Variants in OAS3 observed in about 807,000 individuals in gnomAD.
OAS3 encodes the protein 2'-5'-oligoadenylate synthase 3.
OAS3 carries 107 observed loss-of-function variants against 113.0 expected under a neutral mutation model. The ratio of observed to expected loss-of-function variants is 0.95; its 90% CI spans 0.81 to 1.11. The LOEUF (loss-of-function observed/expected upper bound fraction) is 1.11. OAS3 is among the 50% of genes most tolerant of loss of function. The probability of loss-of-function intolerance (pLI) is 0.00; values close to 1 mark genes in which losing one functional copy is unlikely to be tolerated. For missense variants in OAS3, 1,258 were observed against 1,389.1 expected, an observed-to-expected ratio of 0.91 and a Z score of 1.50; for synonymous variants, 552 against 573.6, an observed-to-expected ratio of 0.96 and a Z score of 0.54.
chr12:112,954,202 G>C lies in OAS3; in HGVS notation c.1657+3227G>C, dbSNP rs1463420599. 1.3e-5 allele frequency among the ~76,000 whole-genome samples: 2 copies of C among 152,258 alleles called. No homozygotes were observed. Among genetic ancestry groups the C allele is most frequent in the Middle Eastern group, 3.4e-3 (1 of 294 alleles). On this transcript the variant is annotated intron_variant, in intron 7 of 15. Transcript: ENST00000228928. The surrounding 1 kb of genome is among the most constrained non-coding windows in gnomAD (Gnocchi z 4.0). ...GAAAGGATACAGTTTCAGCTTTCTA[G>C]ATATGGCTAGCCAGTTTTCCCAGCA...
chr12:112,941,415 C>T (rs1468670927), intron 1 of OAS3, among the ~76,000 whole-genome samples, 155 bp from the exon 2 acceptor site: 1 of 152,214 alleles, frequency 6.6e-6, no homozygotes, highest in African/African-American at 2.4e-5. Context: ...TCGAGCCTGG[C>T]TACCCTGGGC....
intron 6 of OAS3, among the ~76,000 whole-genome samples, chr12:112,949,628 A>T (rs1393917668): frequency 1.3e-5 from 2 of 152,052 alleles, no homozygotes; most frequent in African/African-American, 2.4e-5. Context: ...TCTCTTCCCC[A>T]ACCATTTGGC....
chr12:112,952,389 T>C (rs1016575751), intron 7 of OAS3, among the ~76,000 whole-genome samples: 2 of 152,178 alleles, frequency 1.3e-5, no homozygotes, highest in Non-Finnish European at 2.9e-5. Flanking sequence ...TTTACTAGCA[T>C]GTGTTATTAA....
chr12:112,956,859 G>C (rs924443494), intron 7 of OAS3, among the ~76,000 whole-genome samples: 14 of 152,176 alleles, frequency 9.2e-5, no homozygotes, highest in African/African-American at 3.4e-4. Context: ...AGGTCCGCTT[G>C]GTGCAGAGCT....
At chr12:112,958,876 A>G (rs1258475652) in intron 7 of OAS3, among the ~76,000 whole-genome samples, 1 of 152,248 alleles carries the variant, frequency 6.6e-6, no homozygotes, top group Non-Finnish European at 1.5e-5. Flanking sequence ...CAAAGCTGTC[A>G]GACAGGGACG....
At chr12:112,969,286 A>G in intron 14 of OAS3, 2 of 342,976 alleles carry the variant, frequency 5.8e-6, no homozygotes, top group South Asian at 4.6e-5. Context: ...GAAATACTCA[A>G]CCTGTATCAT....
chr12:112,961,548 C>T (rs1421002457), intron 8 of OAS3, among the ~76,000 whole-genome samples: 2 of 152,116 alleles, frequency 1.3e-5, no homozygotes, highest in African/African-American at 2.4e-5. Context: ...ACCTCCAAGC[C>T]GTTGCTTATG....
intron 1 of OAS3, among the ~76,000 whole-genome samples, chr12:112,939,607 C>T (rs2043661433): frequency 6.6e-6 from 1 of 152,130 alleles, no homozygotes; most frequent in Admixed American, 6.5e-5. Flanking sequence ...AGGTGTGAGC[C>T]ACCATGCCCA....
Position 112,968,300 on chromosome 12 carries a change from A to G in OAS3, c.3104+126A>G, listed in dbSNP as rs1018490030. On this transcript the variant is annotated intron_variant, in intron 14 of 15. Coordinates refer to ENST00000228928, the MANE Select transcript of OAS3 (RefSeq NM_006187.4). ...GAACGGATTCCTTCCTAGAAGTTAT[A>G]TTTGTAGTACCTGAGGGACAAACGG... 3.9e-6 allele frequency: 5 copies of G among 1,289,122 alleles called. No individual in the cohort carries two copies. In the African/African-American group the frequency reaches 6.0e-5, roughly 15 times the overall value. 79.9% of individuals were successfully genotyped at this position (1,289,122 alleles called of 1,614,324 possible).
Position 112,950,677 on chromosome 12 carries a change from G to A in OAS3, c.1375-16G>A, listed in dbSNP as rs1238298408. 1.9e-6 allele frequency: 3 copies of A among 1,613,560 alleles called. No homozygotes were observed. The highest frequency in any genetic ancestry group is 3.3e-5 in the Admixed American group (2 of 60,018). On this transcript the variant is annotated splice_polypyrimidine_tract_variant and intron_variant, in intron 6 of 15. Coordinates refer to ENST00000228928, the MANE Select transcript of OAS3 (RefSeq NM_006187.4). ...TCCTAGAGGGTCCCTGATCTGAGCTGTTCTTCCCTCCACAGGGGGGCTCAT... is the reference window on the plus strand; with the variant it reads ...TCCTAGAGGGTCCCTGATCTGAGCTATTCTTCCCTCCACAGGGGGGCTCAT...
At chr12:112,960,016 A>C in intron 7 of OAS3, among the ~76,000 whole-genome samples, 1 of 151,370 alleles carries the variant, frequency 6.6e-6, no homozygotes, top group East Asian at 1.9e-4. Context: ...GTGTCACCTG[A>C]CTCTCCCTCA....
intron 5 of OAS3, among the ~76,000 whole-genome samples, chr12:112,948,313 G>A (rs949607942): frequency 2.6e-5 from 4 of 152,018 alleles, no homozygotes; most frequent in Non-Finnish European, 5.9e-5. Flanking sequence ...GACCAGTCTG[G>A]ACAATATGGT....
In OAS3 at chr12:112,971,687, C is replaced by G. The variant is rs1006575917; in HGVS notation, c.*1714C>G. 6.6e-6 allele frequency: 1 copy of G among 152,252 alleles called. No homozygotes were observed. 9.4% of individuals were successfully genotyped at this position (152,252 alleles called of 1,614,324 possible). A position where few individuals can be genotyped will look rare whatever the true frequency, so the allele number is the denominator to read the frequency against. On this transcript the variant is annotated 3_prime_UTR_variant, in exon 16 of 16. Coordinates refer to ENST00000228928, the MANE Select transcript of OAS3 (RefSeq NM_006187.4). ...GCTAGATTGAATGGGATGGGAAGAG[C>G]CTTCCCTCATTATTGTCATTCTTGG...
Position 112,944,505 on chromosome 12 carries a change from C to A in OAS3, c.490C>A (p.Pro164Thr), listed in dbSNP as rs1482198175. The A allele has an allele frequency of 6.2e-7, 1 of 1,614,072 alleles. No individual in the cohort carries two copies. The highest frequency in any genetic ancestry group is 1.7e-5 in the Admixed American group (1 of 60,032). Reference sequence around the variant, plus strand: ...GGCCGGCTCCGGCGTCAAACCCAAGCCACAAGTCTACTCTACCCTCCTCAA... The same window carrying A: ...GGCCGGCTCCGGCGTCAAACCCAAGACACAAGTCTACTCTACCCTCCTCAA... ...GQAGSGVKPK[P>T]QVYSTLLNSG... The change falls in exon 3 of 16, where the codon CCA becomes ACA. Residue 164 changes from proline to threonine, a missense_variant. Physicochemically the swap from Pro to Thr is conservative, Grantham distance 38. Coordinates refer to ENST00000228928, the MANE Select transcript of OAS3 (RefSeq NM_006187.4).
chr12:112,957,103 G>T (rs1188641100), intron 7 of OAS3, among the ~76,000 whole-genome samples: 1 of 152,118 alleles, frequency 6.6e-6, no homozygotes, highest in African/African-American at 2.4e-5. Context: ...GGCCTTCTTT[G>T]TCTCTTTTGA....
chr12:112,960,969 A>T, intron 7 of OAS3, 102 bp from the exon 8 acceptor site: 1 of 1,084,578 alleles, frequency 9.2e-7, no homozygotes. Context: ...ATGTTAGGTG[A>T]TTAATGTTAG....
At position 112,954,738 on chromosome 12, in the gene OAS3, T is replaced by C. The variant is rs1308127873; in HGVS notation, c.1657+3763T>C. 1.3e-5 allele frequency among the ~76,000 whole-genome samples: 2 copies of C among 152,344 alleles called. No homozygotes were observed. The highest frequency in any genetic ancestry group is 3.9e-4 in the East Asian group (2 of 5,192). On this transcript the variant is annotated intron_variant, in intron 7 of 15. Transcript: ENST00000228928. This position sits in a 1 kb window ranked among gnomAD's most constrained non-coding sequence, Gnocchi z 4.0. ...GCTGTTTTGGTTACTGTAGTATAGT[T>C]TGAAGTCAGGTAGCGTGATGCCTCC...
chr12:112,957,329 A>G (rs1267917306), intron 7 of OAS3, among the ~76,000 whole-genome samples: 1 of 152,168 alleles, frequency 6.6e-6, no homozygotes, highest in Non-Finnish European at 1.5e-5. Context: ...CATTTAGTCC[A>G]TTTACATTTA....
At chr12:112,951,444 C>A (rs1398066152) in intron 7 of OAS3, among the ~76,000 whole-genome samples, 1 of 151,982 alleles carries the variant, frequency 6.6e-6, no homozygotes, top group East Asian at 1.9e-4. Flanking sequence ...AGCTACAGGG[C>A]AAATCTTTTG....
Sources: gnomAD v4.1 joint callset for allele counts (sites outside exome capture counted in the v4.1 genomes callset) on GRCh38, gnomAD v4.1.1 for gene constraint, Gnocchi (gnomAD v3.1) non-coding constraint, MANE v1.5 for transcripts, NCBI Gene and HGNC (gene_info 2026-07-23, HGNC 2026-07-21) for gene names.